The following TLR10 variants were observed in gnomAD, a reference collection of about 807,000 sequenced individuals.
TLR10 encodes toll-like receptor 10.
For missense variants in TLR10, 929 were observed against 932.9 expected (o/e 1.00, Z 0.05); for synonymous variants, 288 against 338.8 (o/e 0.85, Z 1.65).
chr4:38,780,130 C>T (rs539757156), intron 1 of TLR10, among the ~76,000 whole-genome samples: 7 of 152,232 alleles, frequency 4.6e-5, no homozygotes, highest in East Asian at 1.9e-4. Flanking sequence ...AGGCCTGGCG[C>T]GGTGGCTCAG....
Position 38,774,699 on chromosome 4 carries a change from C to T in TLR10, c.892G>A (p.Val298Ile), listed in dbSNP as rs11466651. 65,671 of 1,571,560 alleles carry T rather than the reference C, an allele frequency of 0.042. 2,753 individuals carry two copies. Among genetic ancestry groups the T allele is most frequent in the South Asian group, 0.16 (12,971 of 83,026 alleles). ...DHNSFDYSNT[V>I]MRTIKLEHVH... The stretch of plus-strand genomic sequence containing the variant: ...TGCTCCAATTTTATAGTTCTCATTA[C>T]AGTATTTGAGTAGTCAAATGAATTG... The change falls in exon 4 of 4, where the codon GTA (valine) becomes ATA (isoleucine). Residue 298 changes from valine (V) to isoleucine (I), a missense_variant. By Grantham distance (29) the Val-to-Ile change is conservative (BLOSUM62 3). Coordinates refer to ENST00000308973, the MANE Select transcript of TLR10 (RefSeq NM_030956.4).
rs1724732466 is a variant in TLR10 at position 38,773,082 on chromosome 4, C to T, written c.*73G>A. The T allele has an allele frequency of 7.7e-7, 1 of 1,303,312 alleles. No homozygotes were observed. The highest frequency in any genetic ancestry group is 1.0e-6 in the Non-Finnish European group (1 of 996,634). 80.7% of individuals were successfully genotyped at this position (1,303,312 alleles called of 1,614,324 possible). A position where few individuals can be genotyped will look rare whatever the true frequency, so the allele number is the denominator to read the frequency against. On this transcript the variant is annotated 3_prime_UTR_variant, in exon 4 of 4. Transcript: ENST00000308973. Reference sequence around the variant, plus strand: ...TATTTTAATAAATATTGTCAAATTGCCATCATAAAGGTTGTATCAATGTAC... The same window carrying T: ...TATTTTAATAAATATTGTCAAATTGTCATCATAAAGGTTGTATCAATGTAC...
In TLR10 at chr4:38,780,403, C is replaced by CAAA. The variant is rs531723110; in HGVS notation, c.-569+2515_-569+2517dup. On this transcript the variant is annotated intron_variant, in intron 1 of 3. Transcript: ENST00000308973. Reference sequence around the variant, plus strand: ...TGGGCAACAGAGCAAGACTCAGTTTCAAAAAAAAAAAGAATAAGTTTGGTT... The same window carrying CAAA: ...TGGGCAACAGAGCAAGACTCAGTTTCAAAAAAAAAAAAAAGAATAAGTTTGGTT... Among the ~76,000 whole-genome samples the CAAA allele has an allele frequency of 5.2e-4, 73 of 140,486 alleles. 2 individuals carry two copies. Among genetic ancestry groups the CAAA allele is most frequent in the African/African-American group, 1.6e-3 (60 of 37,124 alleles). 92.2% of individuals were successfully genotyped at this position (140,486 alleles called of 152,430 possible).
Position 38,775,186 on chromosome 4 carries a change from A to C in TLR10, c.405T>G (p.Cys135Trp). Reference sequence around the variant, plus strand: ...GGTGTGACATGTTGCCAGCTTCCTCACAGATAGGCATGGTGTCAAAGTCAT... The same window carrying C: ...GGTGTGACATGTTGCCAGCTTCCTCCCAGATAGGCATGGTGTCAAAGTCAT... Reference protein sequence around the residue: ...SFNDFDTMPICEEAGNMSHLE... With the variant: ...SFNDFDTMPIWEEAGNMSHLE... Residue 135 changes from cysteine (C) to tryptophan (W), a missense_variant, in exon 4 of 4, where the codon TGT becomes TGG. Physicochemically the swap from Cys to Trp is radical, Grantham distance 215 (BLOSUM62 -2). Transcript: ENST00000308973. 1 of 1,613,720 alleles carries C rather than the reference A, an allele frequency of 6.2e-7. No homozygotes were observed. Among genetic ancestry groups the C allele is most frequent in the Middle Eastern group, 1.7e-4 (1 of 6,060 alleles).
intron 1 of TLR10, among the ~76,000 whole-genome samples, chr4:38,779,873 C>T (rs1040236150): frequency 2.0e-5 from 3 of 152,142 alleles, no homozygotes; most frequent in Admixed American, 2.0e-4. Flanking sequence ...CCCGTGGTAG[C>T]TGTCTGTCTT....
intron 1 of TLR10, among the ~76,000 whole-genome samples, chr4:38,776,738 T>C (rs1278979893): frequency 6.6e-6 from 1 of 152,152 alleles, no homozygotes; most frequent in East Asian, 1.9e-4. Context: ...ACTGGGGAAG[T>C]AGCAGTGAAC....
chr4:38,773,128 C>A lies in TLR10; in HGVS notation c.*27G>T, dbSNP rs1406604181. 2 of 1,501,812 alleles carry A rather than the reference C, an allele frequency of 1.3e-6. No individual in the cohort carries two copies. The highest frequency in any genetic ancestry group is 1.4e-5 in the South Asian group (1 of 70,312). 93.0% of individuals were successfully genotyped at this position (1,501,812 alleles called of 1,614,324 possible). A position where few individuals can be genotyped will look rare whatever the true frequency, so the allele number is the denominator to read the frequency against. ...TGTACATCCCAACAGTGTATGTGGT[C>A]CCCAACTTCCCAAGGACTGTGGGAT... On this transcript the variant is annotated 3_prime_UTR_variant, in exon 4 of 4. Coordinates refer to ENST00000308973, the MANE Select transcript of TLR10 (RefSeq NM_030956.4).
At chr4:38,777,338 T>G (rs182939176) in intron 1 of TLR10, among the ~76,000 whole-genome samples, 1 of 152,224 alleles carries the variant, frequency 6.6e-6, no homozygotes, top group Admixed American at 6.5e-5. Context: ...GATCCTGATG[T>G]GCTTGGAAAA....
At position 38,773,277 on chromosome 4, in the gene TLR10, G is replaced by A. The variant is rs145139818; in HGVS notation, c.2314C>T (p.Arg772Ter). ...RKCGLFWANL[R>*]AAINVNVLAT... The stretch of plus-strand genomic sequence containing the variant: ...AATACATTAACATTAATAGCAGCTC[G>A]AAGGTTTGCCCAGAAAAGCCCACAT... Residue 772 changes from arginine to a stop codon, truncating the protein, a stop_gained, in exon 4 of 4, where the codon CGA becomes TGA. Coordinates refer to ENST00000308973, the MANE Select transcript of TLR10 (RefSeq NM_030956.4). LOFTEE classifies it low-confidence loss of function (END_TRUNC). The A allele has an allele frequency of 1.7e-3, 2,676 of 1,612,428 alleles. 4 individuals carry two copies. The highest frequency in any genetic ancestry group is 3.1e-3 in the Admixed American group (182 of 59,550).
intron 1 of TLR10, among the ~76,000 whole-genome samples, chr4:38,778,659 G>A (rs540967440): frequency 6.6e-6 from 1 of 152,112 alleles, no homozygotes; most frequent in Non-Finnish European, 1.5e-5. Flanking sequence ...CTCTCTGAAG[G>A]CACCAAGAGC....
rs11466658 is a variant in TLR10, at chr4:38,774,018, G to A, written c.1573C>T (p.Arg525Trp). 43,148 of 1,606,620 alleles carry A rather than the reference G, an allele frequency of 0.027. 706 individuals carry two copies. The highest frequency in any genetic ancestry group is 0.039 in the South Asian group (3,546 of 89,970). Reference protein sequence around the residue: ...KTLNAGRNPFRCTCELKNFIQ... With the variant: ...KTLNAGRNPFWCTCELKNFIQ... ...AAATTTTTTAATTCACAGGTACACC[G>A]GAATGGATTTCTTCCCGCATTTAGA... Residue 525 changes from arginine (R) to tryptophan (W), a missense_variant, in exon 4 of 4, where the codon CGG becomes TGG. By Grantham distance (101) the Arg-to-Trp change is moderately radical. Coordinates refer to ENST00000308973, the MANE Select transcript of TLR10 (RefSeq NM_030956.4).
At chr4:38,777,236 G>A (rs1428516622) in intron 1 of TLR10, among the ~76,000 whole-genome samples, 1 of 152,144 alleles carries the variant, frequency 6.6e-6, no homozygotes, top group Non-Finnish European at 1.5e-5. Context: ...TGATCTTCAT[G>A]CAGAAATCTA....
chr4:38,779,207 C>T (rs11466610), intron 1 of TLR10, among the ~76,000 whole-genome samples: 16,949 of 152,068 alleles, frequency 0.11, 1,734 homozygotes, highest in African/African-American at 0.25. Context: ...TGGAGAATTC[C>T]TTTGTAAAAA....
At chr4:38,780,802 G>A (rs1341501354) in intron 1 of TLR10, among the ~76,000 whole-genome samples, 1 of 152,234 alleles carries the variant, frequency 6.6e-6, no homozygotes, top group Non-Finnish European at 1.5e-5. Flanking sequence ...CAGTATTGCT[G>A]ATTGTTTCTT....
At position 38,774,717 on chromosome 4, in the gene TLR10, A is replaced by G; in HGVS notation, c.874T>C (p.Phe292Leu). Reference protein sequence around the residue: ...GGKAYLDHNSFDYSNTVMRTI... With the variant: ...GGKAYLDHNSLDYSNTVMRTI... ...CTCATTACAGTATTTGAGTAGTCAA[A>G]TGAATTGTGGTCAAGATAAGCCTTA... The change falls in exon 4 of 4, where the codon TTT becomes CTT. Residue 292 changes from phenylalanine (F) to leucine (L), a missense_variant. Coordinates refer to ENST00000308973, the MANE Select transcript of TLR10 (RefSeq NM_030956.4). 1 of 1,584,894 alleles carries G rather than the reference A, an allele frequency of 6.3e-7. No homozygotes were observed. Among genetic ancestry groups the G allele is most frequent in the Non-Finnish European group, 8.6e-7 (1 of 1,169,518 alleles).
rs754882336 is a variant in TLR10 at position 38,773,508 on chromosome 4, CA to C, written c.2082del (p.Phe694LeufsTer32). 4.3e-6 allele frequency: 7 copies of C among 1,612,360 alleles called. No individual in the cohort carries two copies. The South Asian group carries it at 7.7e-5, about 18-fold the overall frequency. On this transcript the variant is annotated frameshift_variant, in exon 4 of 4. Transcript: ENST00000308973. LOFTEE classifies it low-confidence loss of function (END_TRUNC). ...TTCTGGACAAAGTTGGGAGACAAAACAAAGATGGACTTATAGCTTTTCTCAA... is the reference window on the plus strand; with the variant it reads ...TTCTGGACAAAGTTGGGAGACAAAACAAGATGGACTTATAGCTTTTCTCAA... ...SFIEKSYKSIFVLSPNFVQNE... is the reference protein window; with the variant it reads ...SFIEKSYKSIXVLSPNFVQNE...
At chr4:38,780,822 G>A (rs189096917) in intron 1 of TLR10, among the ~76,000 whole-genome samples, 1 of 152,132 alleles carries the variant, frequency 6.6e-6, no homozygotes, top group Non-Finnish European at 1.5e-5. Flanking sequence ...TTTGCCTCAG[G>A]CTCTATTATG....
At chr4:38,778,402 G>A (rs944226937) in intron 1 of TLR10, among the ~76,000 whole-genome samples, 4 of 151,038 alleles carry the variant, frequency 2.6e-5, no homozygotes, top group Admixed American at 1.3e-4. Flanking sequence ...TGCACGTTCC[G>A]CACATGTACC....
intron 1 of TLR10, among the ~76,000 whole-genome samples, chr4:38,782,475 T>C (rs935891818): frequency 5.3e-5 from 8 of 152,216 alleles, no homozygotes; most frequent in African/African-American, 1.4e-4. Flanking sequence ...AACTGCATTG[T>C]ACAAGATCCA....
Sources: allele counts gnomAD v4.1 joint callset (sites outside exome capture counted in the v4.1 genomes callset), GRCh38; gene constraint gnomAD v4.1.1; transcripts MANE v1.5; gene names NCBI Gene and HGNC (gene_info 2026-07-23, HGNC 2026-07-21).